SLC9A8: variants seen among roughly 807,000 people sequenced by gnomAD.
SLC9A8 encodes the protein sodium/hydrogen exchanger 8.
A neutral mutation model predicts 66.6 loss-of-function variants in SLC9A8; 48 were observed. The observed-to-expected ratio is 0.72, with a 90% CI of 0.57 to 0.92. The LOEUF is 0.92. Ranked by LOEUF, SLC9A8 falls within the 40% of genes least tolerant of loss-of-function variation. The probability of loss-of-function intolerance (pLI) is 0.00; values close to 1 mark genes in which losing one functional copy is unlikely to be tolerated. For synonymous variants in SLC9A8, 274 were observed against 282.6 expected, an observed-to-expected ratio of 0.97 and a Z score of 0.31; for missense variants, 599 against 747.3, an observed-to-expected ratio of 0.80 and a Z score of 2.31.
intron 13 of SLC9A8, among the ~76,000 whole-genome samples, chr20:49,882,211 C>A (rs1311715000): frequency 2.0e-5 from 3 of 152,214 alleles, no homozygotes; most frequent in Non-Finnish European, 4.4e-5. Context: ...ATGGCCAGAC[C>A]CTTGCGAGTG....
intron 1 of SLC9A8, among the ~76,000 whole-genome samples, chr20:49,814,508 TAGG>T (rs1402861879): frequency 6.6e-6 from 1 of 152,034 alleles, no homozygotes; most frequent in Non-Finnish European, 1.5e-5. Context: ...GATGGGGTAA[TAGG>T]AGGTGACATT....
At position 49,889,531 on chromosome 20, in the gene SLC9A8, C is replaced by A. The variant is rs1286515839; in HGVS notation, c.*1595C>A. Reference sequence around the variant, plus strand: ...CCAGGAATGAGAGGCCAGGCCCGATCCTACCACCTCGCCTTGACCCTGAAG... The same window carrying A: ...CCAGGAATGAGAGGCCAGGCCCGATACTACCACCTCGCCTTGACCCTGAAG... On this transcript the variant is annotated 3_prime_UTR_variant, in exon 16 of 16. Transcript: ENST00000361573. 6.6e-6 allele frequency: 1 copy of A among 152,284 alleles called. No individual in the cohort carries two copies. The highest frequency in any genetic ancestry group is 1.5e-5 in the Non-Finnish European group (1 of 68,080). The allele number at this position is 152,284 out of a possible 1,614,324, so 9.4% of individuals were successfully genotyped here. A position where few individuals can be genotyped will look rare whatever the true frequency, so the allele number is the denominator to read the frequency against.
In SLC9A8 at chr20:49,836,857, A is replaced by G. The variant is rs545646176; in HGVS notation, c.290-2684A>G. ...TGCCAACACTTATTTCTCATCTTTA[A>G]AATTATAACTGTGAAAGGAAGACAA... is the stretch of plus-strand genomic sequence containing the variant. On this transcript the variant is annotated intron_variant, in intron 3 of 15. Transcript: ENST00000361573. 7.2e-5 allele frequency among the ~76,000 whole-genome samples: 11 copies of G among 152,266 alleles called. 1 individual carries two copies. In the South Asian group the frequency reaches 2.3e-3, roughly 32 times the overall value.
At position 49,886,542 on chromosome 20, in the gene SLC9A8, T is replaced by TGG. The variant is rs1377296890; in HGVS notation, c.1492-207_1492-206dup. On this transcript the variant is annotated intron_variant, in intron 14 of 15. Transcript: ENST00000361573. The surrounding 1 kb of genome is among the most constrained non-coding windows in gnomAD (Gnocchi z 4.8). The stretch of plus-strand genomic sequence containing the variant: ...GTCCTTCTGTTTTAGCTGTCCTAGG[T>TGG]GGGGTCCTGGGCATCCATTGTGCCC... 9.1e-6 allele frequency: 5 copies of TGG among 548,260 alleles called. No homozygotes were observed. Among genetic ancestry groups the TGG allele is most frequent in the African/African-American group, 5.7e-5 (3 of 52,242 alleles). 34.0% of individuals were successfully genotyped at this position (548,260 alleles called of 1,614,324 possible).
At chr20:49,831,036 TG>T in intron 3 of SLC9A8, 1 of 730,232 alleles carries the variant, frequency 1.4e-6, no homozygotes, top group Non-Finnish European at 2.6e-6. Context: ...GCCAAGGCAC[TG>T]GACCAGTCCA....
intron 7 of SLC9A8, among the ~76,000 whole-genome samples, chr20:49,853,981 GATCACCC>G (rs1434914778): frequency 1.3e-5 from 2 of 152,184 alleles, no homozygotes; most frequent in African/African-American, 4.8e-5. Context: ...GCAGCCAAAA[GATCACCC>G]ATTGAAGGCT....
chr20:49,818,373 T>G, intron 2 of SLC9A8, among the ~76,000 whole-genome samples: 1 of 152,194 alleles, frequency 6.6e-6, no homozygotes, highest in East Asian at 1.9e-4. Context: ...ATGTGGAGGT[T>G]AGCATGTATT....
intron 8 of SLC9A8, among the ~76,000 whole-genome samples, chr20:49,859,353 C>T (rs2088641796): frequency 1.3e-5 from 2 of 152,142 alleles, no homozygotes; most frequent in Non-Finnish European, 2.9e-5. Flanking sequence ...GGCTCAATGA[C>T]CAGACCATGA....
rs185302403 is a variant in SLC9A8, at chr20:49,849,673, T to C, written c.527T>C (p.Leu176Pro). The C allele has an allele frequency of 1.5e-5, 24 of 1,608,562 alleles. No homozygotes were observed. The Admixed American group carries it at 1.8e-4, about 12-fold the overall frequency. Residue 176 changes from leucine (L) to proline (P), a missense_variant, in exon 6 of 16, where the codon CTG becomes CCG. This residue lies in a region of SLC9A8 where 467 missense variants were observed against 626.5 expected (regional missense o/e 0.75). Transcript: ENST00000361573. ...GTAGTAGGTGGAGGAATTTATTTTCTGGGTCAGGTAAGAAAATCATCTTTG... is the reference window on the plus strand; with the variant it reads ...GTAGTAGGTGGAGGAATTTATTTTCCGGGTCAGGTAAGAAAATCATCTTTG... ...AFVVGGGIYF[L>P]GQADVISKLN...
At position 49,837,147 on chromosome 20, in the gene SLC9A8, G is replaced by T. The variant is rs879518799; in HGVS notation, c.290-2394G>T. ...GAAACTCAAAAGAATGAAACTGTTT[G>T]TCTCTTATTTATCTGTGACCTGGAA... is the stretch of plus-strand genomic sequence containing the variant. On this transcript the variant is annotated intron_variant, in intron 3 of 15. Coordinates refer to ENST00000361573, the MANE Select transcript of SLC9A8 (RefSeq NM_015266.3). 4.3e-4 allele frequency among the ~76,000 whole-genome samples: 66 copies of T among 152,172 alleles called. 1 individual carries two copies. Among genetic ancestry groups the T allele is most frequent in the Non-Finnish European group, 1.2e-4 (8 of 68,026 alleles).
intron 4 of SLC9A8, 82 bp downstream of exon 4, chr20:49,839,681 G>T: frequency 2.4e-6 from 2 of 839,052 alleles, no homozygotes; most frequent in Non-Finnish European, 3.9e-6. Flanking sequence ...GGCTATCAGT[G>T]GAGTTATTTA....
chr20:49,833,974 C>T (rs918260541), intron 3 of SLC9A8, among the ~76,000 whole-genome samples: 10 of 151,560 alleles, frequency 6.6e-5, no homozygotes, highest in South Asian at 2.1e-4. Context: ...ATAAGCTGGG[C>T]GCAGTGGCTC....
intron 10 of SLC9A8, 57 bp downstream of exon 10, chr20:49,864,901 A>G (rs2088898669): frequency 8.7e-7 from 1 of 1,152,102 alleles, no homozygotes; most frequent in African/African-American, 1.5e-5. Context: ...CTGCCTGGGG[A>G]AAGAGGCTTT....
chr20:49,835,088 A>G (rs576073483), intron 3 of SLC9A8, among the ~76,000 whole-genome samples: 1 of 152,202 alleles, frequency 6.6e-6, no homozygotes, highest in African/African-American at 2.4e-5. Context: ...CGGTACAACC[A>G]CTTTGGAGGA....
chr20:49,857,914 TA>T (rs2088570066), intron 8 of SLC9A8, among the ~76,000 whole-genome samples: 2 of 152,172 alleles, frequency 1.3e-5, no homozygotes, highest in South Asian at 4.1e-4. Context: ...CAACAGGCCT[TA>T]AAAAACAACC....
chr20:49,865,878 G>A (rs1486153634), intron 10 of SLC9A8, among the ~76,000 whole-genome samples: 2 of 152,220 alleles, frequency 1.3e-5, no homozygotes, highest in South Asian at 4.1e-4. Context: ...CCCTTCAGAG[G>A]CCTTGTTCTG....
chr20:49,813,803 A>G (rs1450934754), intron 1 of SLC9A8, among the ~76,000 whole-genome samples: 2 of 152,308 alleles, frequency 1.3e-5, no homozygotes, highest in South Asian at 4.1e-4. Context: ...CTGGCTCAAG[A>G]AAGAGTTTAG....
chr20:49,889,990 A>C lies in SLC9A8; in HGVS notation c.*2054A>C, dbSNP rs916381325. Reference sequence around the variant, plus strand: ...CAGGTGTGATAGCCCCAGCCAGGTCACACCTGGCCTCACACTTTGAGCTGA... The same window carrying C: ...CAGGTGTGATAGCCCCAGCCAGGTCCCACCTGGCCTCACACTTTGAGCTGA... On this transcript the variant is annotated 3_prime_UTR_variant, in exon 16 of 16. Transcript: ENST00000361573. 6.6e-6 allele frequency: 1 copy of C among 152,194 alleles called. No homozygotes were observed. Among genetic ancestry groups the C allele is most frequent in the African/African-American group, 2.4e-5 (1 of 41,418 alleles). 9.4% of individuals were successfully genotyped at this position (152,194 alleles called of 1,614,324 possible).
intron 5 of SLC9A8, among the ~76,000 whole-genome samples, chr20:49,847,522 A>C (rs763740016): frequency 6.6e-6 from 1 of 152,124 alleles, no homozygotes; most frequent in South Asian, 2.1e-4. Flanking sequence ...TGATAGGATT[A>C]TGAAATGCTA....
Sources: gnomAD v4.1 joint callset for allele counts (sites outside exome capture counted in the v4.1 genomes callset) on GRCh38, gnomAD v4.1.1 for gene constraint, gnomAD v4.1.1 regional missense constraint, Gnocchi (gnomAD v3.1) non-coding constraint, MANE v1.5 for transcripts, NCBI Gene and HGNC (gene_info 2026-07-23, HGNC 2026-07-21) for gene names.